Variants in TMED3 observed in about 807,000 individuals in gnomAD.
TMED3 encodes the protein transmembrane emp24 domain-containing protein 3.
Under a neutral mutation model 15.0 loss-of-function variants are expected in TMED3, and 9 were observed. That is an observed-to-expected ratio of 0.60 (90% confidence interval 0.36 to 1.04). The LOEUF (loss-of-function observed/expected upper bound fraction) is 1.04, where lower values mean the gene tolerates loss of function less well. Among genes scored for constraint, TMED3 ranks in the 50% least tolerant of loss-of-function variants. The probability of loss-of-function intolerance (pLI) is 0.01; values close to 1 mark genes in which losing one functional copy is unlikely to be tolerated. For missense variants in TMED3, 267 were observed against 278.9 expected (o/e 0.96, Z 0.30); for synonymous variants, 117 against 121.4 (o/e 0.96, Z 0.24).
At chr15:79,369,043 G>A (rs139235941) in intron 2 of TMED3, among the ~76,000 whole-genome samples, 16 of 150,872 alleles carry the variant, frequency 1.1e-4, no homozygotes, top group African/African-American at 3.2e-4. Context: ...GCAGTGAGCC[G>A]AGATCGCACC....
At chr15:79,363,132 A>G (rs1893163168) in intron 2 of TMED3, among the ~76,000 whole-genome samples, 1 of 152,226 alleles carries the variant, frequency 6.6e-6, no homozygotes, top group South Asian at 2.1e-4. Flanking sequence ...TAAATAGATT[A>G]GGAATAATTA....
chr15:79,402,622 AC>A (rs1893848533), intron 2 of TMED3, among the ~76,000 whole-genome samples: 1 of 151,922 alleles, frequency 6.6e-6, no homozygotes, highest in African/African-American at 2.4e-5. Flanking sequence ...TACTAAAACT[AC>A]AAAAAAAGAA....
intron 2 of TMED3, among the ~76,000 whole-genome samples, chr15:79,373,792 ATTGGT>A: frequency 6.6e-6 from 1 of 152,188 alleles, no homozygotes; most frequent in Non-Finnish European, 1.5e-5. Flanking sequence ...TAAGGTACAC[ATTGGT>A]TTGGTCTGGA....
chr15:79,334,803 A>G (rs916566203), intron 2 of TMED3, among the ~76,000 whole-genome samples: 4 of 152,252 alleles, frequency 2.6e-5, no homozygotes, highest in Non-Finnish European at 5.9e-5. Flanking sequence ...AAAAAAATTA[A>G]AAAAGGCAAC....
chr15:79,338,066 T>C (rs981479768), intron 2 of TMED3, among the ~76,000 whole-genome samples: 2 of 152,234 alleles, frequency 1.3e-5, no homozygotes, highest in East Asian at 3.8e-4. Flanking sequence ...GTATCACTTA[T>C]ATATCAGTAA....
intron 1 of TMED3, among the ~76,000 whole-genome samples, chr15:79,311,700 C>A (rs907379484): frequency 3.3e-5 from 5 of 152,080 alleles, no homozygotes; most frequent in Non-Finnish European, 7.4e-5. Context: ...GGGAGCTGGC[C>A]AAAGAGATAT....
chr15:79,377,020 T>A (rs1360543441), intron 2 of TMED3, among the ~76,000 whole-genome samples: 1 of 152,194 alleles, frequency 6.6e-6, no homozygotes, highest in African/African-American at 2.4e-5. Flanking sequence ...GAATTAGCTG[T>A]TGGCATTGCC....
At chr15:79,350,246 G>A (rs1391294948) in intron 2 of TMED3, among the ~76,000 whole-genome samples, 1 of 152,154 alleles carries the variant, frequency 6.6e-6, no homozygotes, top group Non-Finnish European at 1.5e-5. Flanking sequence ...TTCTCCAAAG[G>A]AACAGAAGTA....
chr15:79,352,303 A>G (rs1196341615), intron 2 of TMED3, among the ~76,000 whole-genome samples: 1 of 152,164 alleles, frequency 6.6e-6, no homozygotes, highest in Non-Finnish European at 1.5e-5. Context: ...CATCCCCAGA[A>G]GGCACCCATG....
chr15:79,406,319 C>T (rs943657883), intron 2 of TMED3, among the ~76,000 whole-genome samples: 7 of 152,204 alleles, frequency 4.6e-5, no homozygotes, highest in African/African-American at 1.4e-4. Flanking sequence ...ATGAGACGTC[C>T]TGTCAGCTGC....
At chr15:79,341,020 C>T (rs35551727) in intron 2 of TMED3, among the ~76,000 whole-genome samples, 38,175 of 151,752 alleles carry the variant, frequency 0.25, 6,037 homozygotes, top group Middle Eastern at 0.41. Context: ...ATACTGAGGC[C>T]CCATCTCTAC....
intron 2 of TMED3, among the ~76,000 whole-genome samples, chr15:79,356,540 CAGA>C (rs1221113685): frequency 6.6e-6 from 1 of 152,132 alleles, no homozygotes; most frequent in Admixed American, 6.6e-5. Context: ...ATGAAATTTC[CAGA>C]AGAAGAAAAT....
chr15:79,406,316 G>A (rs910806834), intron 2 of TMED3, among the ~76,000 whole-genome samples: 2 of 152,130 alleles, frequency 1.3e-5, no homozygotes, highest in African/African-American at 2.4e-5. Context: ...TGAATGAGAC[G>A]TCCTGTCAGC....
chr15:79,313,086 T>C (rs1261847635), intron 1 of TMED3, among the ~76,000 whole-genome samples: 2 of 152,206 alleles, frequency 1.3e-5, no homozygotes, highest in Non-Finnish European at 2.9e-5. Context: ...ACTCCTCACT[T>C]CATGGATAAA....
At chr15:79,356,809 C>T (rs928375176) in intron 2 of TMED3, among the ~76,000 whole-genome samples, 1 of 152,178 alleles carries the variant, frequency 6.6e-6, no homozygotes, top group Non-Finnish European at 1.5e-5. Context: ...ATATTCACTG[C>T]AGCATTATTT....
intron 2 of TMED3, among the ~76,000 whole-genome samples, chr15:79,376,439 C>T (rs1187592847): frequency 6.6e-6 from 1 of 152,156 alleles, no homozygotes; most frequent in African/African-American, 2.4e-5. Context: ...ACAAAAACAA[C>T]CCCAGTCCCA....
intron 2 of TMED3, among the ~76,000 whole-genome samples, chr15:79,335,479 C>T (rs1024277180): frequency 2.6e-5 from 4 of 152,180 alleles, no homozygotes; most frequent in African/African-American, 7.2e-5. Context: ...GGAAATGATA[C>T]ACTGCTAATT....
intron 2 of TMED3, among the ~76,000 whole-genome samples, chr15:79,344,897 T>C (rs1567028499): frequency 6.6e-6 from 1 of 152,218 alleles, no homozygotes; most frequent in Non-Finnish European, 1.5e-5. Context: ...AAAGCTTTGC[T>C]GTGTTTGAGC....
chr15:79,339,233 A>G (rs887088020), intron 2 of TMED3, among the ~76,000 whole-genome samples: 6 of 152,198 alleles, frequency 3.9e-5, no homozygotes, highest in East Asian at 1.9e-4. Context: ...CGTGACCCAC[A>G]TGGCCTTACC....
Sources: allele counts gnomAD v4.1 joint callset (sites outside exome capture counted in the v4.1 genomes callset), GRCh38; gene constraint gnomAD v4.1.1; transcripts MANE v1.5; gene names NCBI Gene and HGNC (gene_info 2026-07-23, HGNC 2026-07-21).